FSD2: variants seen among roughly 807,000 people sequenced by gnomAD.
FSD2 encodes fibronectin type III and SPRY domain containing 2, also known as fibronectin type III and SPRY domain-containing protein 2.
A neutral mutation model predicts 80.4 loss-of-function variants in FSD2; 71 were observed. The ratio of observed to expected loss-of-function variants is 0.88; its 90% CI spans 0.73 to 1.08. The LOEUF (loss-of-function observed/expected upper bound fraction) is 1.08, where lower values mean the gene tolerates loss of function less well. Ranked by LOEUF, FSD2 falls within the 50% of genes least tolerant of loss-of-function variation. The pLI is 0.00. For synonymous variants in FSD2, 361 were observed against 329.5 expected, an observed-to-expected ratio of 1.10 and a Z score of -1.03; for missense variants, 923 against 913.8, an observed-to-expected ratio of 1.01 and a Z score of -0.13.
chr15:82,761,340 C>T (rs577778853), intron 12 of FSD2, among the ~76,000 whole-genome samples: 1 of 152,254 alleles, frequency 6.6e-6, no homozygotes, highest in South Asian at 2.1e-4. Context: ...TTGGCCTGGG[C>T]TTCGTGAGAC....
intron 1 of FSD2, among the ~76,000 whole-genome samples, chr15:82,801,399 G>A (rs1230831339): frequency 6.6e-6 from 1 of 152,122 alleles, no homozygotes; most frequent in African/African-American, 2.4e-5. Context: ...CTGACAGCAA[G>A]ACAAAAACAC....
rs565468618 is a variant in FSD2, at chr15:82,765,206, G to C, written c.1780C>G (p.Pro594Ala). Reference sequence around the variant, plus strand: ...TCGCTGGGTGACAGCTCCCTGGCGGGGGTTCTCCTTTCACTTCGTACAGCC... The same window carrying C: ...TCGCTGGGTGACAGCTCCCTGGCGGCGGTTCTCCTTTCACTTCGTACAGCC... ...LTAVRSERRT[P>A]ARELSPSDTH... The change falls in exon 11 of 13, where the codon CCC becomes GCC. Residue 594 changes from proline to alanine, a missense_variant. Transcript: ENST00000334574. 6.2e-7 allele frequency: 1 copy of C among 1,608,442 alleles called. No homozygotes were observed. Among genetic ancestry groups the C allele is most frequent in the African/African-American group, 1.3e-5 (1 of 74,746 alleles).
At chr15:82,800,691 CAAA>C (rs769762172) in intron 1 of FSD2, among the ~76,000 whole-genome samples, 2 of 47,824 alleles carry the variant, frequency 4.2e-5, no homozygotes, top group African/African-American at 2.0e-4. Flanking sequence ...GATTCTGTCT[CAAA>C]AAAAAAAAAA....
At chr15:82,802,279 A>G (rs2050432461) in intron 1 of FSD2, among the ~76,000 whole-genome samples, 1 of 152,134 alleles carries the variant, frequency 6.6e-6, no homozygotes, top group Admixed American at 6.5e-5. Context: ...AGGGATTGCT[A>G]GCTCCTCCTG....
At chr15:82,790,018 C>G (rs2050101283) in intron 1 of FSD2, among the ~76,000 whole-genome samples, 1 of 151,970 alleles carries the variant, frequency 6.6e-6, no homozygotes. Context: ...CTACTAAAAA[C>G]ACAAAAAATT....
Position 82,766,046 on chromosome 15 carries a change from A to G in FSD2, c.1554-15T>C, listed in dbSNP as rs775962362. The G allele has an allele frequency of 6.4e-7, 1 of 1,566,046 alleles. No homozygotes were observed. Among genetic ancestry groups the G allele is most frequent in the Non-Finnish European group, 8.6e-7 (1 of 1,158,464 alleles). On this transcript the variant is annotated splice_polypyrimidine_tract_variant and intron_variant, in intron 9 of 12. Transcript: ENST00000334574. Reference sequence around the variant, plus strand: ...CCACAACAGACCTGTACAAGGAAGCAGAGCTGCAGTCAGAATGGGGCTAGG... The same window carrying G: ...CCACAACAGACCTGTACAAGGAAGCGGAGCTGCAGTCAGAATGGGGCTAGG...
Position 82,759,537 on chromosome 15 carries a change from C to T in FSD2, c.2061G>A (p.Lys687=), listed in dbSNP as rs1008476561. ...CATAGTCTAATAGAATGCCAATCTT[C>T]TTTGGTGGAACTGTTATTCTTATAT... The part of the protein sequence containing the change: ...TPDIRITVPP[K]KIGILLDYEH... The change falls in exon 13 of 13, where the codon AAG becomes AAA. Residue 687 remains lysine, a synonymous_variant. Transcript: ENST00000334574. 6.2e-7 allele frequency: 1 copy of T among 1,608,170 alleles called. No homozygotes were observed. The highest frequency in any genetic ancestry group is 1.1e-5 in the South Asian group (1 of 90,036).
Position 82,769,737 on chromosome 15 carries a change from A to G in FSD2, c.1402+13T>C. Reference sequence around the variant, plus strand: ...AATGAAAGCCCTGCTATAGGAAATGAGTAGCCCATTACCTGTCATGTACAC... The same window carrying G: ...AATGAAAGCCCTGCTATAGGAAATGGGTAGCCCATTACCTGTCATGTACAC... On this transcript the variant is annotated intron_variant, in intron 8 of 12. Coordinates refer to ENST00000334574, the MANE Select transcript of FSD2 (RefSeq NM_001007122.4). 1 of 1,601,212 alleles carries G rather than the reference A, an allele frequency of 6.2e-7. No individual in the cohort carries two copies. The highest frequency in any genetic ancestry group is 8.5e-7 in the Non-Finnish European group (1 of 1,169,774).
intron 9 of FSD2, among the ~76,000 whole-genome samples, chr15:82,767,670 G>T (rs1048173418): frequency 6.6e-6 from 1 of 152,120 alleles, no homozygotes; most frequent in Non-Finnish European, 1.5e-5. Flanking sequence ...AAGGAAACCT[G>T]AACCATTAGG....
chr15:82,776,373 G>A (rs1401840495), intron 6 of FSD2, among the ~76,000 whole-genome samples: 6 of 152,194 alleles, frequency 3.9e-5, no homozygotes, highest in African/African-American at 1.4e-4. Flanking sequence ...GGCGTAACAT[G>A]TGATCTAGCC....
intron 1 of FSD2, among the ~76,000 whole-genome samples, chr15:82,790,107 C>A (rs960214850): frequency 2.6e-5 from 4 of 152,092 alleles, no homozygotes; most frequent in Non-Finnish European, 5.9e-5. Context: ...ACCAGGGAGG[C>A]GGAGGTTGCA....
chr15:82,790,618 T>C (rs66500181), intron 1 of FSD2, among the ~76,000 whole-genome samples: 66,551 of 150,748 alleles, frequency 0.44, 15,039 homozygotes, highest in South Asian at 0.74. Flanking sequence ...CTCTGTCGCC[T>C]AGGGTGGAGT....
Position 82,786,491 on chromosome 15 carries a change from G to A in FSD2, c.735+20C>T, listed in dbSNP as rs758476903. On this transcript the variant is annotated intron_variant, in intron 3 of 12. Coordinates refer to ENST00000334574, the MANE Select transcript of FSD2 (RefSeq NM_001007122.4). ...ATGGAAGAAATGTGAGTCTGATGAGGTCTTCAAGTGTGCTCTTACCTCCAC... is the reference window on the plus strand; with the variant it reads ...ATGGAAGAAATGTGAGTCTGATGAGATCTTCAAGTGTGCTCTTACCTCCAC... The A allele has an allele frequency of 1.9e-6, 3 of 1,567,112 alleles. No homozygotes were observed. The highest frequency in any genetic ancestry group is 2.6e-6 in the Non-Finnish European group (3 of 1,138,782).
At chr15:82,793,721 G>T in intron 1 of FSD2, among the ~76,000 whole-genome samples, 1 of 151,496 alleles carries the variant, frequency 6.6e-6, no homozygotes, top group Non-Finnish European at 1.5e-5. Context: ...GTCTGTTTTG[G>T]GACTTTGTGT....
chr15:82,776,665 A>G (rs943499488), intron 6 of FSD2, among the ~76,000 whole-genome samples: 5 of 152,182 alleles, frequency 3.3e-5, no homozygotes, highest in Non-Finnish European at 5.9e-5. Flanking sequence ...TATTATGCCA[A>G]ATGATCTACA....
At chr15:82,772,939 C>T (rs1160325892) in intron 6 of FSD2, among the ~76,000 whole-genome samples, 2 of 152,182 alleles carry the variant, frequency 1.3e-5, no homozygotes, top group African/African-American at 4.8e-5. Context: ...CCTCCACATC[C>T]CGATTCAAGT....
At chr15:82,793,722 G>C (rs1441738614) in intron 1 of FSD2, among the ~76,000 whole-genome samples, 1 of 151,928 alleles carries the variant, frequency 6.6e-6, no homozygotes, top group East Asian at 1.9e-4. Context: ...TCTGTTTTGG[G>C]ACTTTGTGTC....
intron 1 of FSD2, among the ~76,000 whole-genome samples, chr15:82,804,008 A>G (rs1273681294): frequency 2.0e-5 from 3 of 152,186 alleles, no homozygotes; most frequent in Admixed American, 6.5e-5. Flanking sequence ...TACATAGCTT[A>G]AAGTAAGTCC....
intron 1 of FSD2, among the ~76,000 whole-genome samples, chr15:82,791,246 T>A (rs1242233179): frequency 1.3e-5 from 2 of 150,120 alleles, no homozygotes; most frequent in East Asian, 4.0e-4. Flanking sequence ...GGTCCGCCCG[T>A]CTCGGCCTCC....
Sources: allele counts gnomAD v4.1 joint callset (sites outside exome capture counted in the v4.1 genomes callset), GRCh38; gene constraint gnomAD v4.1.1; transcripts MANE v1.5; gene names NCBI Gene and HGNC (gene_info 2026-07-23, HGNC 2026-07-21).